Variants in RHCE observed in about 807,000 individuals in gnomAD.
RHCE encodes the protein blood group Rh(CE) polypeptide.
In RHCE, 22 loss-of-function variants were observed where a neutral mutation model predicts 43.8. That is an observed-to-expected ratio of 0.50 (90% CI 0.36 to 0.72). RHCE has a LOEUF of 0.72. Ranked by LOEUF, RHCE falls within the 30% of genes least tolerant of loss-of-function variation. The pLI is 0.00. For missense variants in RHCE, 385 were observed against 525.4 expected (o/e 0.73, Z 2.61); for synonymous variants, 156 against 210.7 (o/e 0.74, Z 2.25).
intron 7 of RHCE, among the ~76,000 whole-genome samples, chr1:25,380,201 A>G (rs933031289): frequency 7.1e-6 from 1 of 140,738 alleles, no homozygotes; most frequent in Non-Finnish European, 1.5e-5. Flanking sequence ...GAGGCAAGGG[A>G]AAAAGGGTAA....
chr1:25,412,796 G>A (rs1647135634), intron 1 of RHCE, among the ~76,000 whole-genome samples: 1 of 151,458 alleles, frequency 6.6e-6, no homozygotes, highest in Non-Finnish European at 1.5e-5. Context: ...AGGCTGAGGT[G>A]GGCAGATCAC....
At chr1:25,374,519 T>A (rs1645726336) in intron 8 of RHCE, among the ~76,000 whole-genome samples, 1 of 150,670 alleles carries the variant, frequency 6.6e-6, no homozygotes. Context: ...TGGCTTCCCA[T>A]CTTTTATAAG....
At chr1:25,381,284 C>T (rs1024477648) in intron 7 of RHCE, among the ~76,000 whole-genome samples, 2 of 152,034 alleles carry the variant, frequency 1.3e-5, no homozygotes, top group Non-Finnish European at 2.9e-5. Flanking sequence ...TCTTCAGTTC[C>T]ATCTGAGACC....
chr1:25,401,305 C>T (rs955884850), intron 3 of RHCE, among the ~76,000 whole-genome samples: 1 of 152,142 alleles, frequency 6.6e-6, no homozygotes, highest in Non-Finnish European at 1.5e-5. Flanking sequence ...GGTTAAATTG[C>T]CCAGAGTCAC....
intron 1 of RHCE, among the ~76,000 whole-genome samples, chr1:25,418,075 C>G (rs1023892734): frequency 1.3e-5 from 2 of 152,360 alleles, no homozygotes; most frequent in Admixed American, 6.5e-5. Context: ...GTCACCCAGG[C>G]TGGAGTGCAG....
At chr1:25,374,664 T>C (rs1196852381) in intron 8 of RHCE, among the ~76,000 whole-genome samples, 1 of 118,206 alleles carries the variant, frequency 8.5e-6, no homozygotes, top group African/African-American at 3.4e-5. Flanking sequence ...TTGCACTTGC[T>C]ATCCTATTTT....
chr1:25,422,066 G>A (rs929259500), upstream of RHCE, among the ~76,000 whole-genome samples: 2 of 152,214 alleles, frequency 1.3e-5, no homozygotes, highest in Non-Finnish European at 1.5e-5. Context: ...TCACCCAGTC[G>A]AATCCTGTCA....
intron 1 of RHCE, among the ~76,000 whole-genome samples, chr1:25,416,624 C>T (rs2982348): frequency 0.58 from 88,003 of 151,546 alleles, 26,793 homozygotes; most frequent in African/African-American, 0.75. Flanking sequence ...CAAATATTTT[C>T]ATTTTTTTTT....
intron 9 of RHCE, 54 bp downstream of exon 9, chr1:25,370,413 G>C: frequency 6.8e-7 from 1 of 1,461,272 alleles, no homozygotes; most frequent in African/African-American, 1.4e-5. Flanking sequence ...ACCCAGGTAT[G>C]TTTTTAAGTT....
intron 3 of RHCE, among the ~76,000 whole-genome samples, chr1:25,401,963 AC>A (rs1646760537): frequency 6.6e-6 from 1 of 151,658 alleles, no homozygotes; most frequent in Admixed American, 6.6e-5. Flanking sequence ...TGCAACCTCC[AC>A]CCTCCGGGTT....
intron 7 of RHCE, among the ~76,000 whole-genome samples, chr1:25,376,680 C>T (rs113386077): frequency 6.6e-6 from 1 of 152,032 alleles, no homozygotes; most frequent in African/African-American, 2.4e-5. Context: ...TTTGGGAGGC[C>T]GAGGCGGGTG....
chr1:25,386,785 G>A lies in RHCE; in HGVS notation c.940-941C>T, dbSNP rs111821631. Among the ~76,000 whole-genome samples the A allele has an allele frequency of 4.6e-5, 7 of 151,994 alleles. 1 individual carries two copies. Among genetic ancestry groups the A allele is most frequent in the African/African-American group, 1.7e-4 (7 of 41,396 alleles). ...TGCAGTAAGCCAAGATGGCGCCACTGCACTCCAGCCTGGGCAAAAGAGCGA... is the reference window on the plus strand; with the variant it reads ...TGCAGTAAGCCAAGATGGCGCCACTACACTCCAGCCTGGGCAAAAGAGCGA... On this transcript the variant is annotated intron_variant, in intron 6 of 9. Transcript: ENST00000294413.
intron 2 of RHCE, among the ~76,000 whole-genome samples, chr1:25,406,634 T>C (rs1475583434): frequency 9.8e-6 from 1 of 102,492 alleles, no homozygotes; most frequent in African/African-American, 2.9e-5. Flanking sequence ...TTTTTGGTTT[T>C]TTTTTTTTTG....
At chr1:25,392,986 A>T (rs1557620754) in intron 3 of RHCE, among the ~76,000 whole-genome samples, 1 of 152,158 alleles carries the variant, frequency 6.6e-6, no homozygotes, top group Non-Finnish European at 1.5e-5. Flanking sequence ...GTGATGAGTG[A>T]TATAAATTTT....
intron 3 of RHCE, chr1:25,399,067 A>G (rs1454236115): frequency 2.5e-6 from 4 of 1,604,984 alleles, no homozygotes; most frequent in East Asian, 2.2e-5. Flanking sequence ...GACTATGTTC[A>G]TGGGGATGCC....
chr1:25,408,216 G>C (rs1364498819), intron 2 of RHCE, among the ~76,000 whole-genome samples: 1 of 121,144 alleles, frequency 8.3e-6, no homozygotes, highest in Non-Finnish European at 1.9e-5. Context: ...GAACCCAGAA[G>C]GCTGAGGTTG....
intron 3 of RHCE, among the ~76,000 whole-genome samples, chr1:25,392,446 A>C (rs1262774299): frequency 1.3e-5 from 2 of 151,564 alleles, no homozygotes; most frequent in African/African-American, 2.4e-5. Flanking sequence ...TTTTTAGTAG[A>C]GATGGGGTTT....
intron 3 of RHCE, among the ~76,000 whole-genome samples, chr1:25,400,416 C>A (rs1349899661): frequency 6.6e-6 from 1 of 151,536 alleles, no homozygotes; most frequent in African/African-American, 2.4e-5. Flanking sequence ...CAGGACCTCA[C>A]GCTCTCCTGG....
chr1:25,405,104 T>A (rs1252316172), intron 2 of RHCE, among the ~76,000 whole-genome samples: 2 of 149,278 alleles, frequency 1.3e-5, no homozygotes, highest in East Asian at 3.9e-4. Context: ...GAGGCTGTAA[T>A]TCCAGTACTT....
Sources: gnomAD v4.1 joint callset for allele counts (sites outside exome capture counted in the v4.1 genomes callset) on GRCh38, gnomAD v4.1.1 for gene constraint, MANE v1.5 for transcripts, NCBI Gene and HGNC (gene_info 2026-07-23, HGNC 2026-07-21) for gene names.